The following SCEL variants were observed in gnomAD, a reference collection of about 807,000 sequenced individuals.
SCEL encodes the protein sciellin.
SCEL carries 113 observed loss-of-function variants against 117.6 expected under a neutral mutation model. That is an observed-to-expected ratio of 0.96 (90% CI 0.83 to 1.12). The LOEUF is 1.12. Ranked by LOEUF, SCEL falls within the 50% of genes most tolerant of loss-of-function variation. The pLI is 0.00. For missense variants in SCEL, 785 were observed against 810.8 expected (o/e 0.97, Z 0.39); for synonymous variants, 270 against 256.2 (o/e 1.05, Z -0.51).
At chr13:77,583,883 A>G (rs1273049701) in intron 9 of SCEL, among the ~76,000 whole-genome samples, 2 of 152,238 alleles carry the variant, frequency 1.3e-5, no homozygotes, top group African/African-American at 4.8e-5. Context: ...GCAGCAGCAT[A>G]TGGAAATGAA....
intron 12 of SCEL, among the ~76,000 whole-genome samples, chr13:77,594,980 C>T (rs2087134924): frequency 1.3e-5 from 2 of 152,046 alleles, no homozygotes; most frequent in Admixed American, 6.6e-5. Context: ...ATTGAAGTGT[C>T]TAGATCTCTA....
At chr13:77,563,196 A>C (rs2085082826) in intron 4 of SCEL, among the ~76,000 whole-genome samples, 2 of 143,146 alleles carry the variant, frequency 1.4e-5, no homozygotes, top group Admixed American at 7.0e-5. Context: ...TCTTCCTATC[A>C]CTCTTCTCTC....
intron 1 of SCEL, among the ~76,000 whole-genome samples, chr13:77,543,746 C>T (rs1334131077): frequency 6.6e-6 from 1 of 152,198 alleles, no homozygotes; most frequent in Non-Finnish European, 1.5e-5. Flanking sequence ...CCTCCAGCTG[C>T]ATCCATGTTG....
At chr13:77,593,440 C>A in intron 11 of SCEL, 74 bp from the exon 12 acceptor site, 3 of 1,132,992 alleles carry the variant, frequency 2.6e-6, no homozygotes, top group Non-Finnish European at 2.6e-6. Flanking sequence ...TTACTGAAAA[C>A]AAATGAGAAA....
intron 11 of SCEL, among the ~76,000 whole-genome samples, chr13:77,593,245 G>A (rs1219940937): frequency 2.8e-5 from 4 of 144,122 alleles, no homozygotes; most frequent in Non-Finnish European, 4.6e-5. Context: ...CACCCAGGTG[G>A]AATAACAGAG....
At chr13:77,551,688 G>C (rs1567339158) in intron 1 of SCEL, among the ~76,000 whole-genome samples, 2 of 151,876 alleles carry the variant, frequency 1.3e-5, no homozygotes, top group Non-Finnish European at 2.9e-5. Flanking sequence ...TTGTTTGTTT[G>C]TTTGTTTGTT....
intron 1 of SCEL, among the ~76,000 whole-genome samples, chr13:77,555,207 C>T (rs1283899046): frequency 6.6e-6 from 1 of 152,174 alleles, no homozygotes; most frequent in Non-Finnish European, 1.5e-5. Flanking sequence ...TTCTGGGGAA[C>T]TGGATCAGTC....
In SCEL at chr13:77,599,747, G is replaced by C. The variant is rs1407600924; in HGVS notation, c.916G>C (p.Gly306Arg). 6.2e-7 allele frequency: 1 copy of C among 1,605,324 alleles called. No individual in the cohort carries two copies. The highest frequency in any genetic ancestry group is 2.2e-5 in the East Asian group (1 of 44,840). ...TACCCGGACAGATAAAGATGGCAAA[G>C]GGTAAGATTTTATTAAGACAGACCA... The part of the protein sequence containing the change: ...MSTRTDKDGK[G>R]IQSLGSPIKV... The change falls in exon 15 of 33, where the codon GGA (glycine) becomes CGA (arginine). Residue 306 changes from glycine to arginine, a missense_variant and splice_region_variant. By Grantham distance (125) the Gly-to-Arg change is moderately radical (BLOSUM62 -2). Transcript: ENST00000349847.
At chr13:77,640,636 A>T (rs1482040960) in intron 30 of SCEL, 40 bp from the exon 31 acceptor site, 4 of 1,106,638 alleles carry the variant, frequency 3.6e-6, no homozygotes, top group Non-Finnish European at 5.3e-6. Flanking sequence ...TGTCTTCTGT[A>T]TTATGGCAAA....
chr13:77,617,036 G>T (rs961591089), intron 24 of SCEL, among the ~76,000 whole-genome samples: 2 of 152,128 alleles, frequency 1.3e-5, no homozygotes, highest in African/African-American at 4.8e-5. Context: ...CTGTGGCTGA[G>T]AAGAGAAACA....
intron 4 of SCEL, among the ~76,000 whole-genome samples, 171 bp downstream of exon 4, chr13:77,560,034 T>G (rs2154396264): frequency 6.6e-6 from 1 of 152,322 alleles, no homozygotes; most frequent in South Asian, 2.1e-4. Flanking sequence ...AAGGAAACTC[T>G]GCCTCTCCAG....
chr13:77,555,987 A>C, intron 2 of SCEL, 69 bp downstream of exon 2: 1 of 1,121,558 alleles, frequency 8.9e-7, no homozygotes, highest in Non-Finnish European at 1.4e-6. Flanking sequence ...ACAGATCTCA[A>C]TTCTTTAATA....
chr13:77,545,582 C>T (rs538646549), intron 1 of SCEL, among the ~76,000 whole-genome samples: 2 of 152,318 alleles, frequency 1.3e-5, no homozygotes, highest in South Asian at 4.1e-4. Context: ...AAGAACACTA[C>T]TGCAGTAAAA....
chr13:77,632,621 G>C (rs989901837), intron 28 of SCEL, among the ~76,000 whole-genome samples: 1 of 152,172 alleles, frequency 6.6e-6, no homozygotes, highest in Non-Finnish European at 1.5e-5. Context: ...GTTTGAGAAT[G>C]ATAAGGCTTG....
At chr13:77,620,211 C>T (rs987263607) in intron 27 of SCEL, among the ~76,000 whole-genome samples, 2 of 152,104 alleles carry the variant, frequency 1.3e-5, no homozygotes, top group Non-Finnish European at 2.9e-5. Context: ...ACAAAGCAGA[C>T]AAACAGGAAA....
intron 1 of SCEL, among the ~76,000 whole-genome samples, chr13:77,540,529 A>G (rs2083649137): frequency 6.6e-6 from 1 of 152,204 alleles, no homozygotes; most frequent in East Asian, 1.9e-4. Context: ...CCTGGAGGAT[A>G]TAGAATGTGT....
chr13:77,642,646 C>A, intron 31 of SCEL, 60 bp from the exon 32 acceptor site: 1 of 1,018,402 alleles, frequency 9.8e-7, no homozygotes, highest in Non-Finnish European at 1.5e-6. Context: ...GATGTCTGTT[C>A]CTCTAATAAT....
rs1250863085 is a variant in SCEL, at chr13:77,625,480, G to A, written c.1629-2467G>A. The stretch of plus-strand genomic sequence containing the variant: ...TTTTGAATTTTACATCATTTGGACT[G>A]CAGAGCCAATAATTTGATACTTCCG... On this transcript the variant is annotated intron_variant, in intron 27 of 32. Coordinates refer to ENST00000349847, the MANE Select transcript of SCEL (RefSeq NM_144777.3). Among the ~76,000 whole-genome samples the A allele has an allele frequency of 2.6e-5, 4 of 152,164 alleles. No homozygotes were observed. In the East Asian group the frequency reaches 7.7e-4, roughly 29 times the overall value.
At chr13:77,564,021 A>AG in intron 5 of SCEL, 122 bp downstream of exon 5, 3 of 621,758 alleles carry the variant, frequency 4.8e-6, no homozygotes, top group Non-Finnish European at 7.8e-6. Flanking sequence ...TTTTATTCCC[A>AG]GGGATGGAGG....
Sources: gnomAD v4.1 joint callset for allele counts (sites outside exome capture counted in the v4.1 genomes callset) on GRCh38, gnomAD v4.1.1 for gene constraint, MANE v1.5 for transcripts, NCBI Gene and HGNC (gene_info 2026-07-23, HGNC 2026-07-21) for gene names.